ZNF536: variants seen among roughly 807,000 people sequenced by gnomAD.
ZNF536 encodes zinc finger protein 536.
ZNF536 carries 13 observed loss-of-function variants against 84.5 expected under a neutral mutation model. The observed-to-expected ratio is 0.15, with a 90% CI of 0.10 to 0.24. ZNF536 has a LOEUF of 0.24. Ranked by LOEUF, ZNF536 falls within the 10% of genes least tolerant of loss-of-function variation. The pLI is 1.00. For synonymous variants in ZNF536, 811 were observed against 742.5 expected (o/e 1.09, Z -1.50); for missense variants, 1,536 against 1,747.5 (o/e 0.88, Z 2.16).
intron 1 of ZNF536, among the ~76,000 whole-genome samples, chr19:30,261,031 G>A (rs949075603): frequency 6.6e-6 from 1 of 152,142 alleles, no homozygotes; most frequent in Non-Finnish European, 1.5e-5. Flanking sequence ...GGGCGCGGTG[G>A]CTCACGCCTG....
intron 1 of ZNF536, among the ~76,000 whole-genome samples, chr19:30,571,720 C>T (rs148559371): frequency 0.015 from 2,240 of 152,258 alleles, 45 homozygotes; most frequent in South Asian, 0.05. Context: ...TCTCAGGCCC[C>T]TCTCACCACA....
chr19:30,535,244 G>C, intron 3 of ZNF536, among the ~76,000 whole-genome samples: 1 of 152,188 alleles, frequency 6.6e-6, no homozygotes. Flanking sequence ...TCCTGGCCTG[G>C]GATAACTGGG....
chr19:30,516,048 A>G (rs1437377848), intron 2 of ZNF536, among the ~76,000 whole-genome samples: 2 of 151,878 alleles, frequency 1.3e-5, no homozygotes, highest in African/African-American at 2.4e-5. Context: ...AAAAAGAAAA[A>G]AAAGCAATAA....
chr19:30,267,202 A>G (rs957941801), intron 1 of ZNF536, among the ~76,000 whole-genome samples: 8 of 152,200 alleles, frequency 5.3e-5, no homozygotes, highest in Non-Finnish European at 1.2e-4. Flanking sequence ...GAAATTCTAT[A>G]TGTTGTCAAC....
intron 3 of ZNF536, among the ~76,000 whole-genome samples, chr19:30,536,405 A>G (rs1443125717): frequency 1.3e-5 from 2 of 152,062 alleles, no homozygotes; most frequent in Non-Finnish European, 2.9e-5. Flanking sequence ...CCCTGCAATT[A>G]TCTTCTTTAT....
intron 1 of ZNF536, among the ~76,000 whole-genome samples, chr19:30,374,590 C>T (rs2048735020): frequency 6.6e-6 from 1 of 152,086 alleles, no homozygotes; most frequent in African/African-American, 2.4e-5. Context: ...GCCTCGGTGC[C>T]CACCAGAAGG....
At chr19:30,389,709 C>T (rs867651927) in intron 1 of ZNF536, among the ~76,000 whole-genome samples, 1 of 152,202 alleles carries the variant, frequency 6.6e-6, no homozygotes, top group African/African-American at 2.4e-5. Context: ...GCCCTTGGCT[C>T]CTGAATCCTA....
chr19:30,644,873 G>A (rs1373899446), intron 1 of ZNF536, among the ~76,000 whole-genome samples: 4 of 152,112 alleles, frequency 2.6e-5, no homozygotes, highest in Admixed American at 1.3e-4. Flanking sequence ...AATCCTTTGG[G>A]TATATACCCA....
chr19:30,634,916 A>G (rs2049010710), intron 1 of ZNF536, among the ~76,000 whole-genome samples: 2 of 152,178 alleles, frequency 1.3e-5, no homozygotes, highest in African/African-American at 4.8e-5. Flanking sequence ...AATCTCAGCT[A>G]GATGATTTGA....
chr19:30,511,586 G>A (rs73022890), intron 2 of ZNF536, among the ~76,000 whole-genome samples: 14,628 of 152,220 alleles, frequency 0.096, 967 homozygotes, highest in Non-Finnish European at 0.15. Flanking sequence ...AAGCATTTTC[G>A]GGTATGAGCT....
intron 3 of ZNF536, among the ~76,000 whole-genome samples, chr19:30,362,144 C>T (rs1266948742): frequency 6.6e-6 from 1 of 152,174 alleles, no homozygotes; most frequent in Non-Finnish European, 1.5e-5. Context: ...ACTTCACCAT[C>T]GTCCATGGCC....
intron 1 of ZNF536, among the ~76,000 whole-genome samples, chr19:30,385,713 A>G (rs995637196): frequency 1.3e-5 from 2 of 152,070 alleles, no homozygotes; most frequent in Non-Finnish European, 2.9e-5. Flanking sequence ...TTCTACCCAT[A>G]TTCCACCTAC....
intron 1 of ZNF536, among the ~76,000 whole-genome samples, chr19:30,681,354 C>T (rs1300369584): frequency 6.6e-6 from 1 of 152,184 alleles, no homozygotes; most frequent in Non-Finnish European, 1.5e-5. Flanking sequence ...GGCAGCTGTG[C>T]ACTCCTGCTG....
At chr19:30,520,301 G>A (rs111529098) in intron 2 of ZNF536, among the ~76,000 whole-genome samples, 1 of 152,270 alleles carries the variant, frequency 6.6e-6, no homozygotes, top group Non-Finnish European at 1.5e-5. Context: ...GAGCCAGCCA[G>A]GGGGCTTCCC....
intron 2 of ZNF536, among the ~76,000 whole-genome samples, chr19:30,524,766 G>A (rs2145779937): frequency 6.7e-6 from 1 of 149,058 alleles, no homozygotes; most frequent in South Asian, 2.1e-4. Context: ...AAGCTATAGT[G>A]TTCTTTTTTT....
chr19:30,684,685 G>C (rs1029066654), intron 1 of ZNF536, among the ~76,000 whole-genome samples: 2 of 152,174 alleles, frequency 1.3e-5, no homozygotes, highest in Admixed American at 6.5e-5. Flanking sequence ...CGATGGCTTG[G>C]TTCGGTCATT....
At chr19:30,268,415 C>A in intron 1 of ZNF536, among the ~76,000 whole-genome samples, 1 of 152,232 alleles carries the variant, frequency 6.6e-6, no homozygotes, top group South Asian at 2.1e-4. Flanking sequence ...AGGGTATAGT[C>A]CTGGTGTGGT....
At chr19:30,599,068 C>T (rs1276810167) in intron 1 of ZNF536, among the ~76,000 whole-genome samples, 2 of 132,364 alleles carry the variant, frequency 1.5e-5, no homozygotes, top group East Asian at 5.0e-4. Context: ...CTCCTCCCTC[C>T]CTCCCTGTTT....
chr19:30,418,085 AT>A (rs1369316321), intron 1 of ZNF536, among the ~76,000 whole-genome samples: 8 of 150,820 alleles, frequency 5.3e-5, no homozygotes, highest in Non-Finnish European at 1.2e-4. Context: ...TCATGATCTT[AT>A]TTTTGTATTG....
Sources: allele counts gnomAD v4.1 joint callset (sites outside exome capture counted in the v4.1 genomes callset), GRCh38; gene constraint gnomAD v4.1.1; transcripts MANE v1.5; gene names NCBI Gene and HGNC (gene_info 2026-07-23, HGNC 2026-07-21).